ERLIN1: variants seen among roughly 807,000 people sequenced by gnomAD.
ERLIN1 encodes the protein erlin-1.
ERLIN1 carries 24 observed loss-of-function variants against 46.9 expected under a neutral mutation model. The observed-to-expected ratio is 0.51, with a 90% CI of 0.37 to 0.72. The LOEUF (loss-of-function observed/expected upper bound fraction) is 0.72. ERLIN1 is among the 30% of genes least tolerant of loss of function. The pLI is 0.00. For synonymous variants in ERLIN1, 158 were observed against 143.2 expected, an observed-to-expected ratio of 1.10 and a Z score of -0.74; for missense variants, 293 against 417.9, an observed-to-expected ratio of 0.70 and a Z score of 2.61.
In ERLIN1 at chr10:100,152,362, A is replaced by T. The variant is rs753131657; in HGVS notation, c.826-10T>A. 1 of 1,480,896 alleles carries T rather than the reference A, an allele frequency of 6.8e-7. No homozygotes were observed. The allele number at this position is 1,480,896 out of a possible 1,614,324, so 91.7% of individuals were successfully genotyped here. A position where few individuals can be genotyped will look rare whatever the true frequency, so the allele number is the denominator to read the frequency against. On this transcript the variant is annotated splice_polypyrimidine_tract_variant and intron_variant, in intron 10 of 10. Coordinates refer to ENST00000421367, the MANE Select transcript of ERLIN1 (RefSeq NM_006459.4). ...CCGGGGTCAACTTGTGCTGTGTGGGAGCAAACAAGAGCAAAGGCATCAGAA... is the reference window on the plus strand; with the variant it reads ...CCGGGGTCAACTTGTGCTGTGTGGGTGCAAACAAGAGCAAAGGCATCAGAA...
intron 7 of ERLIN1, among the ~76,000 whole-genome samples, chr10:100,166,214 G>C (rs1210132077): frequency 6.6e-6 from 1 of 152,184 alleles, no homozygotes; most frequent in Non-Finnish European, 1.5e-5. Flanking sequence ...GAGCCCAGGA[G>C]TTTGAGACCA....
At chr10:100,164,165 C>T in intron 7 of ERLIN1, 70 bp from the exon 8 acceptor site, 1 of 1,007,500 alleles carries the variant, frequency 9.9e-7, no homozygotes, top group Non-Finnish European at 1.5e-6. Context: ...TAATTCTGAC[C>T]CTACAGTGAG....
At chr10:100,163,718 C>T (rs1003464002) in intron 8 of ERLIN1, among the ~76,000 whole-genome samples, 1 of 152,176 alleles carries the variant, frequency 6.6e-6, no homozygotes, top group Non-Finnish European at 1.5e-5. Context: ...AATGAAAATG[C>T]TATCCACAGA....
intron 1 of ERLIN1, among the ~76,000 whole-genome samples, chr10:100,184,859 A>G (rs1844871623): frequency 6.6e-6 from 1 of 152,210 alleles, no homozygotes; most frequent in African/African-American, 2.4e-5. Flanking sequence ...CCATTATCCC[A>G]ATTTCTCCAC....
At chr10:100,171,392 T>C (rs1364198682) in intron 6 of ERLIN1, among the ~76,000 whole-genome samples, 1 of 151,880 alleles carries the variant, frequency 6.6e-6, no homozygotes, top group Non-Finnish European at 1.5e-5. Context: ...AAAAACAAGT[T>C]CTCTATATAC....
chr10:100,169,661 C>A (rs1843875948), intron 6 of ERLIN1, among the ~76,000 whole-genome samples: 1 of 151,114 alleles, frequency 6.6e-6, no homozygotes, highest in African/African-American at 2.4e-5. Context: ...CATTAAAATT[C>A]ATTAAATCCA....
chr10:100,172,552 A>G (rs977392599), intron 6 of ERLIN1, among the ~76,000 whole-genome samples: 1 of 152,224 alleles, frequency 6.6e-6, no homozygotes, highest in Non-Finnish European at 1.5e-5. Flanking sequence ...GACAGTATAA[A>G]TGACCAATAA....
At chr10:100,176,722 G>A (rs140320121) in intron 4 of ERLIN1, among the ~76,000 whole-genome samples, 11 of 152,208 alleles carry the variant, frequency 7.2e-5, no homozygotes, top group East Asian at 3.9e-4. Flanking sequence ...ACTAGACCAC[G>A]TCAGAACCTG....
chr10:100,168,994 T>A, intron 6 of ERLIN1, among the ~76,000 whole-genome samples: 1 of 152,160 alleles, frequency 6.6e-6, no homozygotes, highest in African/African-American at 2.4e-5. Context: ...AGGACTGTCT[T>A]TTGAAGACTC....
intron 7 of ERLIN1, among the ~76,000 whole-genome samples, chr10:100,166,558 TAAAC>T (rs994115829): frequency 3.3e-5 from 5 of 151,964 alleles, no homozygotes; most frequent in Non-Finnish European, 7.4e-5. Context: ...GACTCAGAAG[TAAAC>T]AACCTCATAA....
chr10:100,169,533 TA>T (rs1843867118), intron 6 of ERLIN1, among the ~76,000 whole-genome samples: 1 of 151,076 alleles, frequency 6.6e-6, no homozygotes, highest in Non-Finnish European at 1.5e-5. Flanking sequence ...ACTGTAAAAA[TA>T]GTAACCCAAA....
At chr10:100,185,476 C>T in intron 1 of ERLIN1, 38 bp downstream of exon 1, 2 of 1,489,598 alleles carry the variant, frequency 1.3e-6, no homozygotes, top group East Asian at 2.3e-5. Context: ...CCCTTTTAAT[C>T]TGCTCTAGAG....
At chr10:100,153,505 T>C (rs1842913123) in intron 10 of ERLIN1, among the ~76,000 whole-genome samples, 1 of 152,146 alleles carries the variant, frequency 6.6e-6, no homozygotes, top group Non-Finnish European at 1.5e-5. Flanking sequence ...TCCTGGCCTG[T>C]CCCCCAGGCA....
At chr10:100,153,842 T>C (rs956665459) in intron 10 of ERLIN1, among the ~76,000 whole-genome samples, 1 of 152,246 alleles carries the variant, frequency 6.6e-6, no homozygotes, top group East Asian at 1.9e-4. Context: ...TTTCCTGTCA[T>C]GCCTTTCTTT....
At chr10:100,168,828 C>T (rs1443607984) in intron 6 of ERLIN1, among the ~76,000 whole-genome samples, 7 of 151,888 alleles carry the variant, frequency 4.6e-5, no homozygotes, top group Admixed American at 1.3e-4. Context: ...TACAGGCATG[C>T]GCCACCAAGC....
chr10:100,185,813 T>G lies in ERLIN1; in HGVS notation c.-187A>C. 1 of 588,496 alleles carries G rather than the reference T, an allele frequency of 1.7e-6. No individual in the cohort carries two copies. The allele number at this position is 588,496 out of a possible 1,614,324, so 36.5% of individuals were successfully genotyped here. A position where few individuals can be genotyped will look rare whatever the true frequency, so the allele number is the denominator to read the frequency against. ...AGCCCGCTGACCCCTTGCCAACTCC[T>G]CCGCCCCCGGAGGCCAGTGGGCCGC... On this transcript the variant is annotated 5_prime_UTR_variant, in exon 1 of 11. Transcript: ENST00000421367.
At chr10:100,152,845 T>G (rs1842877848) in intron 10 of ERLIN1, among the ~76,000 whole-genome samples, 1 of 152,176 alleles carries the variant, frequency 6.6e-6, no homozygotes, top group African/African-American at 2.4e-5. Flanking sequence ...TGTGAGCCAC[T>G]GCACCCAGCC....
intron 8 of ERLIN1, among the ~76,000 whole-genome samples, chr10:100,159,324 G>A (rs1843233721): frequency 6.6e-6 from 1 of 152,040 alleles, no homozygotes. Flanking sequence ...GGTCATAGTG[G>A]GAAATTTTAA....
chr10:100,155,350 T>C (rs1750740670), intron 9 of ERLIN1, among the ~76,000 whole-genome samples: 1 of 151,650 alleles, frequency 6.6e-6, no homozygotes, highest in African/African-American at 2.4e-5. Context: ...AGCAGCAATA[T>C]ATAACAAGTG....
Sources: allele counts gnomAD v4.1 joint callset (sites outside exome capture counted in the v4.1 genomes callset), GRCh38; gene constraint gnomAD v4.1.1; transcripts MANE v1.5; gene names NCBI Gene and HGNC (gene_info 2026-07-23, HGNC 2026-07-21).